The following TMTC2 variants were observed in gnomAD, a reference collection of about 807,000 sequenced individuals.
The protein encoded by TMTC2 is protein O-mannosyl-transferase TMTC2.
In TMTC2, 43 loss-of-function variants were observed where a neutral mutation model predicts 82.4. The observed-to-expected ratio is 0.52, with a 90% CI of 0.41 to 0.67. The LOEUF is 0.67. Among genes scored for constraint, TMTC2 ranks in the 30% least tolerant of loss-of-function variants. TMTC2 has a pLI of 0.00. For missense variants in TMTC2, 919 were observed against 1,012.4 expected (o/e 0.91, Z 1.25); for synonymous variants, 408 against 381.9 (o/e 1.07, Z -0.80).
At chr12:83,061,919 T>G (rs1882760349) in intron 11 of TMTC2, 88 bp downstream of exon 11, 4 of 1,059,448 alleles carry the variant, frequency 3.8e-6, no homozygotes, top group South Asian at 2.1e-5. Flanking sequence ...ACTGGTTTTT[T>G]GTTTTTTGTT....
chr12:82,777,084 A>G (rs1877638074), intron 1 of TMTC2, among the ~76,000 whole-genome samples: 1 of 152,122 alleles, frequency 6.6e-6, no homozygotes, highest in Non-Finnish European at 1.5e-5. Flanking sequence ...TTACAGTGAA[A>G]TCTGTGAAAC....
In TMTC2 at chr12:82,784,865, T is replaced by C. The variant is rs1384077736; in HGVS notation, c.84-72145T>C. 2.0e-5 allele frequency among the ~76,000 whole-genome samples: 3 copies of C among 151,432 alleles called. No individual in the cohort carries two copies. In the East Asian group the frequency reaches 5.8e-4, roughly 29 times the overall value. On this transcript the variant is annotated intron_variant, in intron 1 of 11. Coordinates refer to ENST00000321196, the MANE Select transcript of TMTC2 (RefSeq NM_152588.3). ...TGCAGCTTTCTGAGTTTCACTGATT[T>C]CCTTGCGTGTGTGTCTTTTTTTTGT...
chr12:83,012,834 A>G (rs1487238522), intron 8 of TMTC2, among the ~76,000 whole-genome samples: 1 of 152,134 alleles, frequency 6.6e-6, no homozygotes, highest in Non-Finnish European at 1.5e-5. Flanking sequence ...CAGAATACAG[A>G]TAATCCTCTG....
At chr12:82,937,746 GTGTGTATATATA>G (rs1351646592) in intron 4 of TMTC2, among the ~76,000 whole-genome samples, 1 of 60,332 alleles carries the variant, frequency 1.7e-5, no homozygotes, top group Admixed American at 1.6e-4. Context: ...GTGTGTGTGT[GTGTGTATATATA>G]TATATATATA....
intron 8 of TMTC2, among the ~76,000 whole-genome samples, chr12:83,004,122 G>A (rs181093370): frequency 4.4e-4 from 67 of 152,082 alleles, no homozygotes; most frequent in Admixed American, 8.5e-4. Context: ...ATTAGTCTTT[G>A]AGCTCTGAGA....
intron 2 of TMTC2, among the ~76,000 whole-genome samples, chr12:82,874,304 T>C (rs1872368237): frequency 6.6e-6 from 1 of 152,230 alleles, no homozygotes; most frequent in Admixed American, 6.5e-5. Flanking sequence ...ACAACTCATT[T>C]AACCTCTCCA....
chr12:82,933,310 A>G (rs1316410151), intron 4 of TMTC2, among the ~76,000 whole-genome samples: 1 of 152,136 alleles, frequency 6.6e-6, no homozygotes, highest in Non-Finnish European at 1.5e-5. Flanking sequence ...ACCAAGATAG[A>G]TCCTTTGCAA....
At chr12:83,022,696 C>A (rs531720417) in intron 8 of TMTC2, among the ~76,000 whole-genome samples, 9 of 151,816 alleles carry the variant, frequency 5.9e-5, no homozygotes, top group Admixed American at 2.0e-4. Flanking sequence ...TAGATGTCTT[C>A]TTCTCTTCTC....
intron 1 of TMTC2, among the ~76,000 whole-genome samples, chr12:82,817,443 A>G (rs922556678): frequency 6.6e-6 from 1 of 152,066 alleles, no homozygotes; most frequent in African/African-American, 2.4e-5. Flanking sequence ...TTTTTGGTAC[A>G]GTTTGACCTA....
At chr12:82,817,034 C>A (rs1003893296) in intron 1 of TMTC2, among the ~76,000 whole-genome samples, 3 of 147,750 alleles carry the variant, frequency 2.0e-5, no homozygotes, top group African/African-American at 7.5e-5. Context: ...GTGGCAGGAT[C>A]TCGGCTCACT....
intron 4 of TMTC2, among the ~76,000 whole-genome samples, chr12:82,957,173 T>C (rs1303713592): frequency 6.6e-6 from 1 of 152,046 alleles, no homozygotes; most frequent in East Asian, 1.9e-4. Context: ...ACTGAAATCA[T>C]ACCACCCACA....
chr12:82,976,505 A>G (rs1878681751), intron 7 of TMTC2, among the ~76,000 whole-genome samples: 3 of 152,070 alleles, frequency 2.0e-5, no homozygotes, highest in African/African-American at 4.8e-5. Flanking sequence ...TAGGACTTGA[A>G]GAGTTGTATA....
intron 11 of TMTC2, among the ~76,000 whole-genome samples, chr12:83,069,056 G>A (rs1251195454): frequency 6.6e-6 from 1 of 152,178 alleles, no homozygotes; most frequent in Admixed American, 6.5e-5. Flanking sequence ...TTTTATGGCT[G>A]TGTAGTATTC....
In TMTC2 at chr12:83,052,427, A is replaced by G. The variant is rs117511840; in HGVS notation, c.2267+1409A>G. ...AATTGACTATTGGTATATTTATAAA[A>G]TAAACTGAAACCAATCTGCAAGAGC... On this transcript the variant is annotated intron_variant, in intron 10 of 11. Transcript: ENST00000321196. Among the ~76,000 whole-genome samples the G allele has an allele frequency of 1.8e-3, 269 of 152,272 alleles. 2 individuals carry two copies. The highest frequency in any genetic ancestry group is 0.01 in the Middle Eastern group (3 of 294).
At chr12:83,066,826 A>G (rs1422216576) in intron 11 of TMTC2, among the ~76,000 whole-genome samples, 1 of 152,004 alleles carries the variant, frequency 6.6e-6, no homozygotes, top group East Asian at 1.9e-4. Flanking sequence ...AAAAAATTGT[A>G]ATCAGAGGGC....
intron 8 of TMTC2, among the ~76,000 whole-genome samples, chr12:83,014,465 G>A (rs1400535337): frequency 6.6e-6 from 1 of 152,100 alleles, no homozygotes; most frequent in South Asian, 2.1e-4. Flanking sequence ...TCAGCCTCCC[G>A]AGTAGCTGGG....
chr12:83,014,482 G>A (rs1395687086), intron 8 of TMTC2, among the ~76,000 whole-genome samples: 1 of 152,204 alleles, frequency 6.6e-6, no homozygotes, highest in Non-Finnish European at 1.5e-5. Context: ...TGGGACTACA[G>A]GCGTCCGCCA....
At chr12:82,971,810 C>CAAA (rs5799603) in intron 7 of TMTC2, among the ~76,000 whole-genome samples, 30 of 145,618 alleles carry the variant, frequency 2.1e-4, no homozygotes, top group African/African-American at 6.5e-4. Flanking sequence ...CCTCTGTATG[C>CAAA]AAAAAAAAAA....
chr12:82,877,716 C>A (rs559246890), intron 2 of TMTC2, among the ~76,000 whole-genome samples: 1 of 152,198 alleles, frequency 6.6e-6, no homozygotes, highest in South Asian at 2.1e-4. Flanking sequence ...CTTCATAGTT[C>A]ATGTATATTT....
Sources: allele counts gnomAD v4.1 joint callset (sites outside exome capture counted in the v4.1 genomes callset), GRCh38; gene constraint gnomAD v4.1.1; transcripts MANE v1.5; gene names NCBI Gene and HGNC (gene_info 2026-07-23, HGNC 2026-07-21).